Variants in NCALD observed in about 807,000 individuals in gnomAD.
NCALD encodes the protein neurocalcin delta.
In NCALD, 10 loss-of-function variants were observed where a neutral mutation model predicts 18.6. The observed-to-expected ratio is 0.54, with a 90% CI of 0.33 to 0.91. The LOEUF (loss-of-function observed/expected upper bound fraction) is 0.91, where lower values mean the gene tolerates loss of function less well. Among genes scored for constraint, NCALD ranks in the 40% least tolerant of loss-of-function variants. The pLI is 0.03. For missense variants in NCALD, 184 were observed against 247.6 expected, an observed-to-expected ratio of 0.74 and a Z score of 1.72; for synonymous variants, 88 against 87.4, an observed-to-expected ratio of 1.01 and a Z score of -0.04.
At chr8:101,839,871 G>A (rs191939735) in intron 4 of NCALD, among the ~76,000 whole-genome samples, 1 of 152,200 alleles carries the variant, frequency 6.6e-6, no homozygotes, top group East Asian at 1.9e-4. Context: ...TTCGGTCTCG[G>A]AGGGCAAGGA....
intron 4 of NCALD, among the ~76,000 whole-genome samples, chr8:101,849,771 G>A (rs80262220): frequency 2.0e-5 from 3 of 152,098 alleles, no homozygotes; most frequent in Middle Eastern, 3.2e-3. Context: ...ACAAGCTAGC[G>A]CTAACTTCTT....
chr8:101,702,902 G>A (rs1815337231), intron 2 of NCALD, among the ~76,000 whole-genome samples: 1 of 152,212 alleles, frequency 6.6e-6, no homozygotes, highest in Admixed American at 6.5e-5. Flanking sequence ...GGGAAACACT[G>A]CTTATTTTAT....
At chr8:101,707,405 G>A (rs7844804) in intron 2 of NCALD, among the ~76,000 whole-genome samples, 67,581 of 151,960 alleles carry the variant, frequency 0.44, 16,736 homozygotes, top group African/African-American at 0.66. Flanking sequence ...AGGAGGATAA[G>A]CTGTTTTTGC....
At chr8:101,938,301 T>G (rs189483047) in intron 2 of NCALD, among the ~76,000 whole-genome samples, 1 of 152,342 alleles carries the variant, frequency 6.6e-6, no homozygotes, top group East Asian at 1.9e-4. Flanking sequence ...TGTGCTATAT[T>G]GCATTTAACC....
At chr8:102,120,356 C>A (rs1244766466) in intron 1 of NCALD, among the ~76,000 whole-genome samples, 1 of 152,164 alleles carries the variant, frequency 6.6e-6, no homozygotes, top group Non-Finnish European at 1.5e-5. Flanking sequence ...ACATGTGGCA[C>A]CCTGGTCACA....
chr8:102,116,785 G>C (rs62524261), intron 1 of NCALD, among the ~76,000 whole-genome samples: 28,551 of 152,126 alleles, frequency 0.19, 2,981 homozygotes, highest in Non-Finnish European at 0.23. Flanking sequence ...TGGGATTACA[G>C]ACATGAGCCA....
intron 2 of NCALD, among the ~76,000 whole-genome samples, chr8:101,965,200 G>A (rs1819977178): frequency 6.6e-6 from 1 of 152,216 alleles, no homozygotes; most frequent in South Asian, 2.1e-4. Flanking sequence ...GTGGAAGACA[G>A]TGTGGCGATT....
At chr8:102,048,018 GA>G (rs1397587967) in intron 1 of NCALD, among the ~76,000 whole-genome samples, 2 of 152,152 alleles carry the variant, frequency 1.3e-5, no homozygotes, top group African/African-American at 2.4e-5. Context: ...ATCACTTGGG[GA>G]AAAAATGATG....
chr8:102,050,384 G>A (rs1183378310), intron 1 of NCALD, among the ~76,000 whole-genome samples: 4 of 150,806 alleles, frequency 2.7e-5, no homozygotes, highest in East Asian at 3.9e-4. Context: ...TATTTTAAAC[G>A]AACAGAATTA....
intron 1 of NCALD, among the ~76,000 whole-genome samples, chr8:101,755,503 A>T (rs181522113): frequency 6.2e-4 from 95 of 152,286 alleles, no homozygotes; most frequent in African/African-American, 2.2e-3. Context: ...TTTCATGCTC[A>T]TGACTCTTCC....
chr8:101,966,926 AAAT>A (rs1476399989), intron 2 of NCALD, among the ~76,000 whole-genome samples: 1 of 152,188 alleles, frequency 6.6e-6, no homozygotes, highest in African/African-American at 2.4e-5. Flanking sequence ...TGTTTTTGAA[AAAT>A]AATAATGAAA....
At position 101,688,777 on chromosome 8, in the gene NCALD, G is replaced by A. The variant is rs1814573687; in HGVS notation, c.*532C>T. The A allele has an allele frequency of 1.4e-5, 8 of 590,040 alleles. No individual in the cohort carries two copies. The highest frequency in any genetic ancestry group is 2.7e-4 in the Middle Eastern group (1 of 3,672). The allele number at this position is 590,040 out of a possible 1,614,324, so 36.6% of individuals were successfully genotyped here. ...TTAGAAACTACAGCCTGCTGGGGAA[G>A]AGAGGGGAGTGGGCCCCCATGGGGA... On this transcript the variant is annotated 3_prime_UTR_variant, in exon 4 of 4. Coordinates refer to ENST00000220931, the MANE Select transcript of NCALD (RefSeq NM_032041.3).
intron 2 of NCALD, among the ~76,000 whole-genome samples, chr8:102,004,541 T>G (rs1191960290): frequency 1.3e-5 from 2 of 152,100 alleles, no homozygotes; most frequent in East Asian, 3.8e-4. Flanking sequence ...TTAAAGTTCA[T>G]ATGGAACCAA....
chr8:101,726,837 G>A (rs1397717286), intron 1 of NCALD, among the ~76,000 whole-genome samples: 1 of 152,154 alleles, frequency 6.6e-6, no homozygotes, highest in African/African-American at 2.4e-5. Context: ...CACCAAGGAA[G>A]TGAATGTGTA....
chr8:101,719,211 G>T (rs540670816), intron 2 of NCALD, 41 bp downstream of exon 2: 1 of 1,584,368 alleles, frequency 6.3e-7, no homozygotes, highest in African/African-American at 1.3e-5. Flanking sequence ...TCTTACTTGA[G>T]ATACATGCCC....
intron 1 of NCALD, among the ~76,000 whole-genome samples, chr8:101,770,530 G>C (rs551538841): frequency 1.4e-4 from 22 of 152,264 alleles, no homozygotes; most frequent in Admixed American, 1.4e-3. Context: ...CTCCTGGGGG[G>C]GCTTCCTGCA....
intron 1 of NCALD, among the ~76,000 whole-genome samples, chr8:101,765,184 T>TCACATCCA (rs1307054029): frequency 6.6e-6 from 1 of 152,174 alleles, no homozygotes; most frequent in Non-Finnish European, 1.5e-5. Flanking sequence ...AGAACTTACA[T>TCACATCCA]CACATCCAAG....
chr8:101,843,974 T>C (rs76683800), intron 4 of NCALD, among the ~76,000 whole-genome samples: 4,828 of 152,248 alleles, frequency 0.032, 226 homozygotes, highest in African/African-American at 0.11. Flanking sequence ...ACATGCATAC[T>C]CCTCAGATTT....
intron 2 of NCALD, among the ~76,000 whole-genome samples, chr8:101,972,409 A>G (rs1046869028): frequency 6.6e-6 from 1 of 152,186 alleles, no homozygotes; most frequent in Non-Finnish European, 1.5e-5. Context: ...GAGATAACCC[A>G]TCTGCTACTC....
Sources: gnomAD v4.1 joint callset for allele counts (sites outside exome capture counted in the v4.1 genomes callset) on GRCh38, gnomAD v4.1.1 for gene constraint, MANE v1.5 for transcripts, NCBI Gene and HGNC (gene_info 2026-07-23, HGNC 2026-07-21) for gene names.